Variants in DPP10 observed in about 807,000 individuals in gnomAD.
The protein encoded by DPP10 is dipeptidyl peptidase like 10.
In DPP10, 33 loss-of-function variants were observed where a neutral mutation model predicts 120.9. The ratio of observed to expected loss-of-function variants is 0.27; its 90% CI spans 0.21 to 0.37. The LOEUF is 0.37. DPP10 is among the 10% of genes least tolerant of loss of function. DPP10 has a pLI of 1.00. For synonymous variants in DPP10, 337 were observed against 326.1 expected, an observed-to-expected ratio of 1.03 and a Z score of -0.36; for missense variants, 816 against 942.8, an observed-to-expected ratio of 0.87 and a Z score of 1.76.
intron 1 of DPP10, among the ~76,000 whole-genome samples, chr2:115,278,516 C>T (rs2060009119): frequency 6.6e-6 from 1 of 152,092 alleles, no homozygotes; most frequent in Non-Finnish European, 1.5e-5. Flanking sequence ...GCTCATGGTC[C>T]TGCAGACTGT....
At chr2:115,346,732 T>C (rs1254243969) in intron 3 of DPP10, among the ~76,000 whole-genome samples, 1 of 152,220 alleles carries the variant, frequency 6.6e-6, no homozygotes, top group African/African-American at 2.4e-5. Flanking sequence ...GTGCCTTCTA[T>C]TGAGACTCTG....
chr2:115,261,918 T>C (rs1473657489), intron 1 of DPP10, among the ~76,000 whole-genome samples: 1 of 152,208 alleles, frequency 6.6e-6, no homozygotes, highest in Non-Finnish European at 1.5e-5. Context: ...GATCTCAGGA[T>C]GTCTTGTCAG....
chr2:114,516,057 C>T (rs1372838963), intron 1 of DPP10, among the ~76,000 whole-genome samples: 1 of 152,172 alleles, frequency 6.6e-6, no homozygotes, highest in Non-Finnish European at 1.5e-5. Flanking sequence ...CTGGGCCCCA[C>T]CCTCCTAAGT....
At chr2:115,552,618 G>C (rs1262179839) in intron 5 of DPP10, among the ~76,000 whole-genome samples, 1 of 152,058 alleles carries the variant, frequency 6.6e-6, no homozygotes, top group East Asian at 1.9e-4. Context: ...ATTTTAGGAT[G>C]TGATAAAACA....
chr2:114,780,322 TATC>T (rs1682202931), intron 1 of DPP10, among the ~76,000 whole-genome samples: 1 of 152,130 alleles, frequency 6.6e-6, no homozygotes, highest in Admixed American at 6.6e-5. Context: ...AGTGACAAAT[TATC>T]ATACTTATTT....
At chr2:115,196,421 T>C in intron 1 of DPP10, among the ~76,000 whole-genome samples, 1 of 152,318 alleles carries the variant, frequency 6.6e-6, no homozygotes, top group Admixed American at 6.5e-5. Flanking sequence ...AAATATTTCA[T>C]ATTTTATATT....
At chr2:114,836,346 A>T (rs1462997274) in intron 1 of DPP10, among the ~76,000 whole-genome samples, 2 of 152,140 alleles carry the variant, frequency 1.3e-5, no homozygotes, top group African/African-American at 4.8e-5. Flanking sequence ...AGCATTGGCC[A>T]GTTTGGGAAA....
At chr2:115,558,534 AC>A (rs1371583746) in intron 5 of DPP10, among the ~76,000 whole-genome samples, 1 of 152,162 alleles carries the variant, frequency 6.6e-6, no homozygotes, top group Non-Finnish European at 1.5e-5. Context: ...ATGAATTTTA[AC>A]AAGCAATCAG....
intron 21 of DPP10, among the ~76,000 whole-genome samples, chr2:115,827,689 G>T (rs113735082): frequency 2.7e-4 from 40 of 150,140 alleles, no homozygotes; most frequent in Non-Finnish European, 1.5e-5. Context: ...TCCACCTCCC[G>T]AGTTCAAGCG....
At chr2:115,318,811 G>T (rs1402889407) in intron 2 of DPP10, among the ~76,000 whole-genome samples, 1 of 152,036 alleles carries the variant, frequency 6.6e-6, no homozygotes, top group African/African-American at 2.4e-5. Context: ...GTAGCTTATT[G>T]TAGATTATCT....
chr2:115,402,676 G>T (rs972756493), intron 3 of DPP10, among the ~76,000 whole-genome samples: 1 of 149,816 alleles, frequency 6.7e-6, no homozygotes, highest in South Asian at 2.1e-4. Flanking sequence ...GAGGAAAAGC[G>T]CAGGACTGGA....
chr2:115,415,841 T>TATATATATA (rs773341293), intron 3 of DPP10, among the ~76,000 whole-genome samples: 881 of 74,236 alleles, frequency 0.012, 20 homozygotes, highest in Non-Finnish European at 0.016. Context: ...TGATTTGCTT[T>TATATATATA]TATATATATA....
At chr2:114,963,105 ATTATC>A (rs1350988481) in intron 1 of DPP10, among the ~76,000 whole-genome samples, 1 of 152,190 alleles carries the variant, frequency 6.6e-6, no homozygotes, top group Non-Finnish European at 1.5e-5. Context: ...AAATTCATGG[ATTATC>A]TTTGCATATA....
chr2:115,353,558 G>T (rs1055208110), intron 3 of DPP10, among the ~76,000 whole-genome samples: 6 of 152,126 alleles, frequency 3.9e-5, no homozygotes, highest in African/African-American at 1.4e-4. Flanking sequence ...GGAGTTGTTA[G>T]TAGTAGGAAT....
chr2:114,555,867 G>C (rs140616797), intron 1 of DPP10, among the ~76,000 whole-genome samples: 4 of 151,998 alleles, frequency 2.6e-5, no homozygotes, highest in Admixed American at 2.6e-4. Flanking sequence ...GATAAAGCAC[G>C]TCCCAAGAAG....
intron 4 of DPP10, among the ~76,000 whole-genome samples, chr2:115,520,146 G>A (rs938320335): frequency 2.0e-5 from 3 of 151,910 alleles, no homozygotes; most frequent in Admixed American, 6.6e-5. Flanking sequence ...GTGAAACCCC[G>A]TCTCTACTAA....
At chr2:115,734,011 A>G (rs1370672539) in intron 8 of DPP10, among the ~76,000 whole-genome samples, 2 of 152,270 alleles carry the variant, frequency 1.3e-5, no homozygotes, top group Non-Finnish European at 2.9e-5. Context: ...TGCCTTATCC[A>G]GGATGACTGT....
chr2:115,681,175 C>T (rs1268806518), intron 5 of DPP10, among the ~76,000 whole-genome samples: 1 of 149,718 alleles, frequency 6.7e-6, no homozygotes, highest in African/African-American at 2.5e-5. Context: ...GTAAAATGTG[C>T]ATATCTTCTG....
chr2:114,650,066 A>G (rs1029539246), intron 1 of DPP10, among the ~76,000 whole-genome samples: 12 of 152,146 alleles, frequency 7.9e-5, no homozygotes, highest in Non-Finnish European at 1.8e-4. Flanking sequence ...AAAATGTAGG[A>G]GATTTCGATC....
Sources: gnomAD v4.1 joint callset for allele counts (sites outside exome capture counted in the v4.1 genomes callset) on GRCh38, gnomAD v4.1.1 for gene constraint, MANE v1.5 for transcripts, NCBI Gene and HGNC (gene_info 2026-07-23, HGNC 2026-07-21) for gene names.